Variants in KARS1 observed in about 807,000 individuals in gnomAD.
KARS1 encodes the protein lysine--tRNA ligase.
KARS1 carries 50 observed loss-of-function variants against 63.9 expected under a neutral mutation model. The ratio of observed to expected loss-of-function variants is 0.78; its 90% confidence interval spans 0.62 to 0.99. KARS1 has a LOEUF of 0.99. KARS1 is among the 50% of genes least tolerant of loss of function. The pLI, the probability that KARS1 is intolerant of heterozygous loss-of-function variation, is 0.00. For missense variants in KARS1, 816 were observed against 754.5 expected (o/e 1.08, Z -0.95); for synonymous variants, 320 against 264.6 (o/e 1.21, Z -2.03).
chr16:75,634,343 G>T lies in KARS1; in HGVS notation c.796-51C>A, dbSNP rs557125923. ...GTCCTTAGATAACCAGAGGCCTTGG[G>T]GACAGACCATGCTTTGCATGTAATA... On this transcript the variant is annotated intron_variant, in intron 6 of 13. Transcript: ENST00000302445. 2.5e-6 allele frequency: 4 copies of T among 1,598,852 alleles called. No homozygotes were observed. The African/African-American group carries it at 5.4e-5, about 21-fold the overall frequency.
intron 10 of KARS1, 44 bp downstream of exon 10, chr16:75,631,124 C>G: frequency 6.7e-7 from 1 of 1,501,150 alleles, no homozygotes; most frequent in South Asian, 1.1e-5. Context: ...GGGAACCATT[C>G]AGCACCAGAT....
intron 1 of KARS1, among the ~76,000 whole-genome samples, chr16:75,646,151 G>T (rs1316004585): frequency 6.6e-6 from 1 of 152,172 alleles, no homozygotes; most frequent in East Asian, 1.9e-4. Flanking sequence ...TCTAATAAAG[G>T]ACAATATATT....
In KARS1 at chr16:75,631,571, G is replaced by C. The variant is rs777496301; in HGVS notation, c.1097C>G (p.Thr366Arg). 6.2e-7 allele frequency: 1 copy of C among 1,614,022 alleles called. No individual in the cohort carries two copies. The highest frequency in any genetic ancestry group is 8.5e-7 in the Non-Finnish European group (1 of 1,180,018). Residue 366 changes from threonine (T) to arginine (R), a missense_variant, in exon 9 of 14, where the codon ACA becomes AGA. By Grantham distance (71) the Thr-to-Arg change is moderately conservative. Transcript: ENST00000302445. Reference sequence around the variant, plus strand: ...GTGGTAGGTGACCTTGTAACTGCCTGTAATATGCTTCACCATCCCTGGGAG... The same window carrying C: ...GTGGTAGGTGACCTTGTAACTGCCTCTAATATGCTTCACCATCCCTGGGAG... ...KMVSGMVKHI[T>R]GSYKVTYHPD...
chr16:75,630,777 G>C (rs1446375765), intron 10 of KARS1, among the ~76,000 whole-genome samples: 1 of 151,982 alleles, frequency 6.6e-6, no homozygotes, highest in Non-Finnish European at 1.5e-5. Flanking sequence ...GGGGATTACA[G>C]GTGCCCGCCA....
At position 75,627,731 on chromosome 16, in the gene KARS1, G is replaced by A. The variant is rs1038939664; in HGVS notation, c.*164C>T. The A allele has an allele frequency of 3.1e-6, 2 of 644,032 alleles. No homozygotes were observed. The highest frequency in any genetic ancestry group is 1.8e-5 in the African/African-American group (1 of 54,718). 39.9% of individuals were successfully genotyped at this position (644,032 alleles called of 1,614,324 possible). A position where few individuals can be genotyped will look rare whatever the true frequency, so the allele number is the denominator to read the frequency against. On this transcript the variant is annotated 3_prime_UTR_variant, in exon 14 of 14. Transcript: ENST00000302445. Reference sequence around the variant, plus strand: ...AGAGAAGAGACAAATGGCTTATTTGGTAACAGGATTAAAAAGAAATTTTTA... The same window carrying A: ...AGAGAAGAGACAAATGGCTTATTTGATAACAGGATTAAAAAGAAATTTTTA...
At position 75,627,919 on chromosome 16, in the gene KARS1, G is replaced by T; in HGVS notation, c.1770C>A (p.Ser590Arg). The T allele has an allele frequency of 6.2e-7, 1 of 1,604,856 alleles. No individual in the cohort carries two copies. Among genetic ancestry groups the T allele is most frequent in the Non-Finnish European group, 8.5e-7 (1 of 1,171,692 alleles). ...TCTAGACAGAAGTGCCAACTGTTGT[G>T]CTTTCCAGTGTATCAGTGGTTGCTA... ...ENVATTDTLE[S>R]TTVGTSV is the part of the protein sequence containing the mutation. Residue 590 changes from serine to arginine, a missense_variant, in exon 14 of 14, where the codon AGC becomes AGA. Physicochemically the swap from Ser to Arg is moderately radical, Grantham distance 110. Transcript: ENST00000302445.
At chr16:75,636,630 C>A (rs2082165080) in intron 3 of KARS1, 83 bp from the exon 4 acceptor site, 2 of 881,160 alleles carry the variant, frequency 2.3e-6, no homozygotes, top group Non-Finnish European at 3.6e-6. Context: ...ACTCCCTCTG[C>A]ATTTTTTTTT....
intron 1 of KARS1, chr16:75,642,852 A>G (rs1162016041): frequency 6.6e-6 from 1 of 152,230 alleles, no homozygotes; most frequent in African/African-American, 2.4e-5. Context: ...AACGAAAATA[A>G]TAATAGACAA....
Position 75,634,936 on chromosome 16 carries a change from T to C in KARS1, c.796-644A>G, listed in dbSNP as rs1265537256. ...GAAGGTAGTGAGTTATCTCAACTGA[T>C]TGTTTAAAAAAAATTTTAACTGCTT... On this transcript the variant is annotated intron_variant, in intron 6 of 13. Coordinates refer to ENST00000302445, the MANE Select transcript of KARS1 (RefSeq NM_005548.3). Among the ~76,000 whole-genome samples the C allele has an allele frequency of 3.3e-5, 5 of 152,236 alleles. No homozygotes were observed. In the East Asian group the frequency reaches 9.6e-4, roughly 29 times the overall value.
At chr16:75,633,970 T>G (rs2082136467) in intron 7 of KARS1, 1 of 624,972 alleles carries the variant, frequency 1.6e-6, no homozygotes, top group Admixed American at 2.1e-5. Flanking sequence ...AGACAACCCC[T>G]TTGGTCTCTG....
At position 75,644,522 on chromosome 16, in the gene KARS1, C is replaced by G. The variant is rs541886279; in HGVS notation, c.63-2799G>C. On this transcript the variant is annotated intron_variant, in intron 1 of 13. Transcript: ENST00000302445. The stretch of plus-strand genomic sequence containing the variant: ...GACAGACAGTATACATATACCCAAC[C>G]AACTCTCTTATGGGTTGGGGAGGGG... The G allele has an allele frequency of 8.6e-4, 1,088 of 1,259,648 alleles. 1 individual carries two copies. The highest frequency in any genetic ancestry group is 1.1e-3 in the Non-Finnish European group (1,002 of 922,016). The allele number at this position is 1,259,648 out of a possible 1,614,324, so 78.0% of individuals were successfully genotyped here. A position where few individuals can be genotyped will look rare whatever the true frequency, so the allele number is the denominator to read the frequency against.
At position 75,628,100 on chromosome 16, in the gene KARS1, A is replaced by AT. The variant is rs2082071022; in HGVS notation, c.1696-108dup. On this transcript the variant is annotated intron_variant, in intron 13 of 13. Transcript: ENST00000302445. ...CTGTTGTTACCACCAAAATCCAGAGATTAGTATATTCCAGCTGAAAAGGCT... is the reference window on the plus strand; with the variant it reads ...CTGTTGTTACCACCAAAATCCAGAGATTTAGTATATTCCAGCTGAAAAGGCT... 5.2e-6 allele frequency: 4 copies of AT among 769,258 alleles called. No homozygotes were observed. The Admixed American group carries it at 7.1e-5, about 14-fold the overall frequency. The allele number at this position is 769,258 out of a possible 1,614,324, so 47.7% of individuals were successfully genotyped here.
At position 75,629,812 on chromosome 16, in the gene KARS1, G is replaced by A. The variant is rs202242920; in HGVS notation, c.1425-271C>T. Among the ~76,000 whole-genome samples, 15 of 152,294 alleles carry A rather than the reference G, an allele frequency of 9.8e-5. No homozygotes were observed. The East Asian group carries it at 1.5e-3, about 16-fold the overall frequency. ...AGGGTTTCGCCATATTGGCCAGGTT[G>A]GTCTAACGATCAAACATCTAATACA... On this transcript the variant is annotated intron_variant, in intron 11 of 13. Coordinates refer to ENST00000302445, the MANE Select transcript of KARS1 (RefSeq NM_005548.3).
chr16:75,630,226 C>T (rs1449329698), intron 11 of KARS1, among the ~76,000 whole-genome samples, 197 bp downstream of exon 11: 3 of 152,070 alleles, frequency 2.0e-5, no homozygotes, highest in South Asian at 2.1e-4. Flanking sequence ...AGGATAAGAT[C>T]GTATGTGGAG....
At chr16:75,645,405 T>G (rs1019703169) in intron 1 of KARS1, among the ~76,000 whole-genome samples, 3 of 152,222 alleles carry the variant, frequency 2.0e-5, no homozygotes, top group African/African-American at 4.8e-5. Context: ...ATTTAATTAC[T>G]AGGACCTCAG....
At chr16:75,634,510 C>T (rs979100397) in intron 6 of KARS1, among the ~76,000 whole-genome samples, 17 of 152,316 alleles carry the variant, frequency 1.1e-4, no homozygotes, top group African/African-American at 2.9e-4. Flanking sequence ...TATAGTACCA[C>T]GAACTTTCAC....
At chr16:75,632,055 T>G (rs2082121021) in intron 7 of KARS1, among the ~76,000 whole-genome samples, 200 bp from the exon 8 acceptor site, 1 of 151,980 alleles carries the variant, frequency 6.6e-6, no homozygotes, top group African/African-American at 2.4e-5. Flanking sequence ...GCCTGGCTAA[T>G]TTTTTTGTAT....
chr16:75,647,106 A>T (rs1156616208), intron 1 of KARS1, among the ~76,000 whole-genome samples: 3 of 152,212 alleles, frequency 2.0e-5, no homozygotes, highest in Non-Finnish European at 4.4e-5. Flanking sequence ...ACAGTTTTAG[A>T]ACTGATCCCT....
chr16:75,632,118 G>A (rs1056685949), intron 7 of KARS1, among the ~76,000 whole-genome samples: 2 of 151,906 alleles, frequency 1.3e-5, no homozygotes, highest in African/African-American at 2.4e-5. Flanking sequence ...TCGAACTCCC[G>A]ACCTCAGGTG....
Sources: gnomAD v4.1 joint callset for allele counts (sites outside exome capture counted in the v4.1 genomes callset) on GRCh38, gnomAD v4.1.1 for gene constraint, MANE v1.5 for transcripts, NCBI Gene and HGNC (gene_info 2026-07-23, HGNC 2026-07-21) for gene names.